ZNF75A: variants seen among roughly 807,000 people sequenced by gnomAD.
ZNF75A encodes the protein zinc finger protein 75A.
A neutral mutation model predicts 46.3 loss-of-function variants in ZNF75A; 36 were observed. The ratio of observed to expected loss-of-function variants is 0.78; its 90% CI spans 0.60 to 1.03. The LOEUF (loss-of-function observed/expected upper bound fraction) is 1.03. Ranked by LOEUF, ZNF75A falls within the 50% of genes least tolerant of loss-of-function variation. The probability of loss-of-function intolerance (pLI) is 0.00; values close to 1 mark genes in which losing one functional copy is unlikely to be tolerated. For missense variants in ZNF75A, 595 were observed against 551.3 expected (o/e 1.08, Z -0.79); for synonymous variants, 234 against 189.9 (o/e 1.23, Z -1.91).
Position 3,317,246 on chromosome 16 carries a change from G to C in ZNF75A, c.991G>C (p.Glu331Gln). Reference protein sequence around the residue: ...NHQPVSLSDLEIQASAGVISK... With the variant: ...NHQPVSLSDLQIQASAGVISK... ...TCAGCCTGTGTCTCTTTCTGACTTA[G>C]AAATACAAGCATCAGCAGGCGTCAT... The change falls in exon 7 of 7, where the codon GAA becomes CAA. Residue 331 changes from glutamate to glutamine, a missense_variant. Glu to Gln is a conservative substitution (Grantham distance 29). Transcript: ENST00000669516. 6.2e-7 allele frequency: 1 copy of C among 1,613,916 alleles called. No homozygotes were observed. The highest frequency in any genetic ancestry group is 8.5e-7 in the Non-Finnish European group (1 of 1,179,982).
chr16:3,319,801 T>A (rs56102805), downstream of ZNF75A, among the ~76,000 whole-genome samples: 40,887 of 149,578 alleles, frequency 0.27, 5,846 homozygotes, highest in Admixed American at 0.34. Context: ...TTTTTTATTT[T>A]TTTTTTTATT....
Position 3,317,251 on chromosome 16 carries a change from A to G in ZNF75A, c.996A>G (p.Ile332Met). ...CTGTGTCTCTTTCTGACTTAGAAAT[A>G]CAAGCATCAGCAGGCGTCATATCAA... ...HQPVSLSDLEIQASAGVISKK... is the reference protein window; with the variant it reads ...HQPVSLSDLEMQASAGVISKK... The change falls in exon 7 of 7, where the codon ATA (isoleucine) becomes ATG (methionine). Residue 332 changes from isoleucine to methionine, a missense_variant. Coordinates refer to ENST00000669516, the MANE Select transcript of ZNF75A (RefSeq NM_001302109.2). 6.2e-7 allele frequency: 1 copy of G among 1,614,068 alleles called. No individual in the cohort carries two copies. The highest frequency in any genetic ancestry group is 8.5e-7 in the Non-Finnish European group (1 of 1,180,004).
chr16:3,315,480 C>G (rs900123720), intron 5 of ZNF75A, among the ~76,000 whole-genome samples: 2 of 152,156 alleles, frequency 1.3e-5, no homozygotes, highest in African/African-American at 4.8e-5. Context: ...TAGGCGTGAG[C>G]CACCGTGCCC....
Position 3,312,674 on chromosome 16 carries a change from C to T in ZNF75A, c.605-3C>T. On this transcript the variant is annotated splice_region_variant and splice_polypyrimidine_tract_variant and intron_variant, in intron 3 of 6. Transcript: ENST00000669516. ...ATTTCTTCTGGCTCTTTTCCCCCCACAGCTGTGCCTACTCAACAGATTCTA... is the reference window on the plus strand; with the variant it reads ...ATTTCTTCTGGCTCTTTTCCCCCCATAGCTGTGCCTACTCAACAGATTCTA... 1.0e-6 allele frequency: 1 copy of T among 1,003,328 alleles called. No homozygotes were observed. Among genetic ancestry groups the T allele is most frequent in the Non-Finnish European group, 1.2e-6 (1 of 839,654 alleles). 62.2% of individuals were successfully genotyped at this position (1,003,328 alleles called of 1,614,324 possible). A position where few individuals can be genotyped will look rare whatever the true frequency, so the allele number is the denominator to read the frequency against.
intron 5 of ZNF75A, among the ~76,000 whole-genome samples, chr16:3,314,454 T>G (rs777563487): frequency 5.9e-5 from 9 of 152,104 alleles, no homozygotes; most frequent in Non-Finnish European, 1.2e-4. Flanking sequence ...TATCTGCCTT[T>G]CCCTGCTGCC....
intron 5 of ZNF75A, among the ~76,000 whole-genome samples, chr16:3,313,985 A>G (rs1441139672): frequency 6.6e-6 from 1 of 152,156 alleles, no homozygotes; most frequent in Non-Finnish European, 1.5e-5. Context: ...GGGCTTCCTG[A>G]ATACTTCATT....
At position 3,308,782 on chromosome 16, in the gene ZNF75A, G is replaced by A. The variant is rs1647450916; in HGVS notation, c.354G>A (p.Glu118=). ...AGCACCATCCACAGAGCATTGAGGA[G>A]GCTGTGGCTCTGGTAGAACACTTGC... The part of the protein sequence containing the change: ...MQKHHPQSIE[E]AVALVEHLQR... Residue 118 remains glutamate, a synonymous_variant, in exon 2 of 7, where the codon GAG becomes GAA. Coordinates refer to ENST00000669516, the MANE Select transcript of ZNF75A (RefSeq NM_001302109.2). 5.1e-6 allele frequency: 5 copies of A among 986,420 alleles called. No homozygotes were observed. Among genetic ancestry groups the A allele is most frequent in the African/African-American group, 3.5e-5 (2 of 57,246 alleles). 61.1% of individuals were successfully genotyped at this position (986,420 alleles called of 1,614,324 possible).
chr16:3,310,823 T>C, intron 2 of ZNF75A: 1 of 985,590 alleles, frequency 1.0e-6, no homozygotes, highest in South Asian at 4.7e-5. Flanking sequence ...GCTTGTTCCT[T>C]GGCTCTGCTG....
rs200446132 is a variant in ZNF75A at position 3,317,317 on chromosome 16, A to T, written c.1062A>T (p.Lys354Asn). The part of the protein sequence containing the change: ...KVKVPQKTAG[K>N]ENHFDMHRVG... ...AAGTTCCCCAGAAAACAGCAGGCAA[A>T]GAAAATCATTTTGATATGCACAGAG... The change falls in exon 7 of 7, where the codon AAA becomes AAT. Residue 354 changes from lysine (K) to asparagine (N), a missense_variant. Lys to Asn is a moderately conservative substitution (Grantham distance 94). Coordinates refer to ENST00000669516, the MANE Select transcript of ZNF75A (RefSeq NM_001302109.2). The T allele has an allele frequency of 6.2e-7, 1 of 1,614,174 alleles. No individual in the cohort carries two copies. Among genetic ancestry groups the T allele is most frequent in the Non-Finnish European group, 8.5e-7 (1 of 1,180,030 alleles).
chr16:3,316,354 A>G (rs1961202986), intron 5 of ZNF75A: 1 of 152,218 alleles, frequency 6.6e-6, no homozygotes, highest in Non-Finnish European at 1.5e-5. Flanking sequence ...TCACCAAGTG[A>G]TTTTGGTCTA....
intron 5 of ZNF75A, among the ~76,000 whole-genome samples, chr16:3,313,422 T>G (rs1033765048): frequency 6.6e-6 from 1 of 152,250 alleles, no homozygotes; most frequent in Non-Finnish European, 1.5e-5. Context: ...TCCTCTTCTG[T>G]GTCTTACTTA....
downstream of ZNF75A, among the ~76,000 whole-genome samples, chr16:3,319,809 A>AT (rs1318525545): frequency 1.7e-4 from 19 of 111,234 alleles, no homozygotes; most frequent in South Asian, 5.2e-3. Context: ...TTTTTTTTTT[A>AT]TTTTTTTGCT....
chr16:3,322,677 G>T (rs556370300), downstream of ZNF75A, among the ~76,000 whole-genome samples: 2 of 152,238 alleles, frequency 1.3e-5, no homozygotes, highest in South Asian at 4.2e-4. Context: ...TACAGTGTTT[G>T]GATATGATGC....
intron 1 of ZNF75A, chr16:3,306,414 C>T (rs1960244935): frequency 6.6e-6 from 1 of 152,106 alleles, no homozygotes; most frequent in South Asian, 2.1e-4. Context: ...CAAGTAAGCA[C>T]AGTTAAAAAT....
chr16:3,314,797 G>T, intron 5 of ZNF75A: 1 of 985,332 alleles, frequency 1.0e-6, no homozygotes. Flanking sequence ...GGAAGAATTG[G>T]AGTTACTGGA....
downstream of ZNF75A, among the ~76,000 whole-genome samples, chr16:3,319,122 A>AT (rs934447918): frequency 1.3e-5 from 2 of 151,632 alleles, no homozygotes; most frequent in African/African-American, 2.4e-5. Context: ...CTCTTATTTT[A>AT]TTTTTTTTGA....
intron 4 of ZNF75A, 57 bp from the exon 5 acceptor site, chr16:3,312,992 G>A: frequency 6.5e-7 from 1 of 1,540,522 alleles, no homozygotes; most frequent in Middle Eastern, 1.7e-4. Flanking sequence ...TAGCCAGGTG[G>A]CTAGGCTGCT....
rs1961398608 is a variant in ZNF75A at position 3,318,558 on chromosome 16, A to G, written c.*689A>G. ...AGATGTAAAGAATTTTCTGCAATAA[A>G]AGAAACTAGACTTGTTAATCCCTGC... On this transcript the variant is annotated 3_prime_UTR_variant, in exon 7 of 7. Transcript: ENST00000669516. 1.0e-6 allele frequency: 1 copy of G among 985,430 alleles called. No individual in the cohort carries two copies. The highest frequency in any genetic ancestry group is 1.2e-6 in the Non-Finnish European group (1 of 829,908). The allele number at this position is 985,430 out of a possible 1,614,324, so 61.0% of individuals were successfully genotyped here.
intron 2 of ZNF75A, among the ~76,000 whole-genome samples, chr16:3,309,855 C>T (rs1002727260): frequency 5.3e-5 from 8 of 150,562 alleles, no homozygotes; most frequent in East Asian, 3.9e-4. Flanking sequence ...GCCTATATTT[C>T]GAACACTTTA....
Sources: allele counts gnomAD v4.1 joint callset (sites outside exome capture counted in the v4.1 genomes callset), GRCh38; gene constraint gnomAD v4.1.1; transcripts MANE v1.5; gene names NCBI Gene and HGNC (gene_info 2026-07-23, HGNC 2026-07-21).